The following RBFOX1 variants were observed in gnomAD, a reference collection of about 807,000 sequenced individuals.
RBFOX1 encodes RNA binding protein fox-1 homolog 1.
In RBFOX1, 8 loss-of-function variants were observed where a neutral mutation model predicts 57.7. That is an observed-to-expected ratio of 0.14 (90% CI 0.08 to 0.25). The LOEUF is 0.25. Among genes scored for constraint, RBFOX1 ranks in the 10% least tolerant of loss-of-function variants. The pLI, the probability that RBFOX1 is intolerant of heterozygous loss-of-function variation, is 1.00. For synonymous variants in RBFOX1, 326 were observed against 222.4 expected, an observed-to-expected ratio of 1.47 and a Z score of -4.15; for missense variants, 611 against 548.5, an observed-to-expected ratio of 1.11 and a Z score of -1.14.
chr16:7,584,380 C>T (rs541529526), intron 6 of RBFOX1, among the ~76,000 whole-genome samples: 2 of 152,174 alleles, frequency 1.3e-5, no homozygotes, highest in African/African-American at 4.8e-5. Context: ...GCAACCTCCA[C>T]CTCCCAGGTT....
intron 14 of RBFOX1, among the ~76,000 whole-genome samples, chr16:7,703,916 C>T (rs755756509): frequency 2.6e-5 from 4 of 152,178 alleles, no homozygotes; most frequent in Non-Finnish European, 5.9e-5. Context: ...ATTGCCTCTG[C>T]AGACCAAAAG....
At chr16:6,385,828 A>G (rs945620922) in intron 2 of RBFOX1, among the ~76,000 whole-genome samples, 3 of 152,216 alleles carry the variant, frequency 2.0e-5, no homozygotes, top group Admixed American at 6.5e-5. Context: ...AGTACCAGGG[A>G]GCTGAAATAC....
At chr16:5,379,517 A>G (rs553823058) in intron 1 of RBFOX1, among the ~76,000 whole-genome samples, 3 of 152,262 alleles carry the variant, frequency 2.0e-5, no homozygotes, top group African/African-American at 7.2e-5. Context: ...CACATGCTCT[A>G]GAAGTTCACA....
intron 3 of RBFOX1, among the ~76,000 whole-genome samples, chr16:6,894,604 C>A (rs2066307765): frequency 6.6e-6 from 1 of 152,180 alleles, no homozygotes; most frequent in Non-Finnish European, 1.5e-5. Context: ...GTTCTCAGTG[C>A]AATTTCGTGA....
intron 3 of RBFOX1, among the ~76,000 whole-genome samples, chr16:5,865,891 G>T (rs552301164): frequency 6.6e-6 from 1 of 152,064 alleles, no homozygotes; most frequent in Non-Finnish European, 1.5e-5. Context: ...GGCCTTTCCT[G>T]TGTGCAGGAG....
chr16:6,197,909 C>G (rs1375498181), intron 1 of RBFOX1, among the ~76,000 whole-genome samples: 4 of 152,136 alleles, frequency 2.6e-5, no homozygotes, highest in African/African-American at 9.7e-5. Context: ...ATTTGGTTTT[C>G]TGTCCCTGCA....
intron 1 of RBFOX1, among the ~76,000 whole-genome samples, chr16:5,424,914 T>A (rs1444702004): frequency 1.6e-5 from 2 of 122,948 alleles, no homozygotes; most frequent in Admixed American, 1.7e-4. Flanking sequence ...TTTCTTTCTT[T>A]CTTTCTTTCT....
At chr16:5,760,436 G>A (rs946419359) in intron 3 of RBFOX1, among the ~76,000 whole-genome samples, 6 of 151,998 alleles carry the variant, frequency 3.9e-5, no homozygotes, top group Admixed American at 6.6e-5. Flanking sequence ...TTGTAAGTAG[G>A]TATTCAATTA....
intron 14 of RBFOX1, among the ~76,000 whole-genome samples, chr16:7,700,345 C>T (rs2080261029): frequency 6.6e-6 from 1 of 152,130 alleles, no homozygotes; most frequent in South Asian, 2.1e-4. Flanking sequence ...GCACCATTAT[C>T]ATCTCCATTT....
At chr16:6,069,078 GAGGA>G (rs2095802794) in intron 1 of RBFOX1, among the ~76,000 whole-genome samples, 2 of 152,130 alleles carry the variant, frequency 1.3e-5, no homozygotes, top group Admixed American at 1.3e-4. Context: ...AGCAGAAAGA[GAGGA>G]AGGAAGGAGC....
At chr16:7,050,543 G>A (rs546630554) in intron 3 of RBFOX1, among the ~76,000 whole-genome samples, 2 of 152,224 alleles carry the variant, frequency 1.3e-5, no homozygotes, top group South Asian at 2.1e-4. Flanking sequence ...TGGGATTACA[G>A]GCATGAGCAA....
chr16:7,125,872 C>T (rs1004908175), intron 4 of RBFOX1, among the ~76,000 whole-genome samples: 2 of 152,064 alleles, frequency 1.3e-5, no homozygotes, highest in African/African-American at 4.8e-5. Flanking sequence ...TACCTGAGGT[C>T]AGGAGTTCAA....
chr16:5,833,845 C>T (rs2056365921), intron 3 of RBFOX1, among the ~76,000 whole-genome samples: 1 of 152,192 alleles, frequency 6.6e-6, no homozygotes, highest in South Asian at 2.1e-4. Context: ...ATTGGAGTCT[C>T]TTATGCATCA....
At chr16:5,399,733 TAA>T (rs5815242) in intron 1 of RBFOX1, among the ~76,000 whole-genome samples, 4 of 143,338 alleles carry the variant, frequency 2.8e-5, no homozygotes, top group African/African-American at 1.0e-4. Context: ...GACCCTGTCT[TAA>T]AAAAAAAAAA....
chr16:6,248,949 G>A (rs1327963731), intron 1 of RBFOX1, among the ~76,000 whole-genome samples: 3 of 152,116 alleles, frequency 2.0e-5, no homozygotes, highest in Admixed American at 6.6e-5. Context: ...TTCTATGTAC[G>A]AGGTACTGAA....
chr16:7,298,867 A>G (rs13380452), intron 4 of RBFOX1, among the ~76,000 whole-genome samples: 6,914 of 152,252 alleles, frequency 0.045, 208 homozygotes, highest in South Asian at 0.15. Flanking sequence ...CGAGGAAGAC[A>G]AGGGGTTGGT....
chr16:6,836,130 T>C (rs540731669), intron 3 of RBFOX1, among the ~76,000 whole-genome samples: 8 of 152,332 alleles, frequency 5.3e-5, no homozygotes, highest in African/African-American at 1.9e-4. Flanking sequence ...TTCTACAATT[T>C]ATGGTATTTC....
intron 4 of RBFOX1, among the ~76,000 whole-genome samples, chr16:5,915,703 T>A (rs115685755): frequency 0.014 from 2,150 of 152,126 alleles, 54 homozygotes; most frequent in African/African-American, 0.049. Context: ...ATGGTGGCGC[T>A]TGCCTGTAAT....
At chr16:5,931,932 C>T (rs1477174901) in intron 4 of RBFOX1, among the ~76,000 whole-genome samples, 1 of 152,118 alleles carries the variant, frequency 6.6e-6, no homozygotes, top group Non-Finnish European at 1.5e-5. Flanking sequence ...TTCAGCCTCC[C>T]AAGTAGCTGG....
Sources: gnomAD v4.1 joint callset for allele counts (sites outside exome capture counted in the v4.1 genomes callset) on GRCh38, gnomAD v4.1.1 for gene constraint, MANE v1.5 for transcripts, NCBI Gene and HGNC (gene_info 2026-07-23, HGNC 2026-07-21) for gene names.